ZNF385D: variants seen among roughly 807,000 people sequenced by gnomAD.
ZNF385D encodes the protein zinc finger protein 385D, also known as zinc finger protein 659.
A neutral mutation model predicts 35.8 loss-of-function variants in ZNF385D; 15 were observed. The observed-to-expected ratio is 0.42, with a 90% confidence interval of 0.28 to 0.64. The LOEUF is 0.64. ZNF385D is among the 30% of genes least tolerant of loss of function. ZNF385D has a pLI of 0.23. For missense variants in ZNF385D, 474 were observed against 494.6 expected (o/e 0.96, Z 0.39); for synonymous variants, 212 against 186.8 (o/e 1.13, Z -1.10).
At chr3:22,201,539 G>A (rs1440633897) in intron 2 of ZNF385D, among the ~76,000 whole-genome samples, 1 of 151,960 alleles carries the variant, frequency 6.6e-6, no homozygotes, top group Non-Finnish European at 1.5e-5. Flanking sequence ...AAAGAAAGAA[G>A]TTAGGTTTTC....
chr3:21,564,129 A>G (rs1432599695), intron 3 of ZNF385D, among the ~76,000 whole-genome samples: 1 of 152,194 alleles, frequency 6.6e-6, no homozygotes, highest in African/African-American at 2.4e-5. Flanking sequence ...TTAAGGACAT[A>G]GCGGTAATAT....
In ZNF385D at chr3:21,995,752, C is replaced by A. The variant is rs116649359; in HGVS notation, c.325+173065G>T. On this transcript the variant is annotated intron_variant, in intron 3 of 5. Transcript: ENST00000494108. ...AATGGTGCCCAAGAGGACCATTCTC[C>A]AGATTGCCAGAAGGCACATTCAGGG... 7.8e-3 allele frequency among the ~76,000 whole-genome samples: 1,188 copies of A among 152,024 alleles called. 18 individuals are homozygous for A. Among genetic ancestry groups the A allele is most frequent in the African/African-American group, 0.027 (1,138 of 41,458 alleles).
chr3:22,306,333 A>T (rs1374064862), intron 2 of ZNF385D, among the ~76,000 whole-genome samples: 1 of 149,956 alleles, frequency 6.7e-6, no homozygotes, highest in South Asian at 2.1e-4. Flanking sequence ...TCTTGTGGTT[A>T]AAAAAAGTCT....
At chr3:21,943,855 TACAA>T (rs1178613373) in intron 3 of ZNF385D, among the ~76,000 whole-genome samples, 1 of 152,116 alleles carries the variant, frequency 6.6e-6, no homozygotes, top group Non-Finnish European at 1.5e-5. Flanking sequence ...CATATGGAAA[TACAA>T]AGAAATCATT....
At chr3:21,693,334 G>A (rs1324838952) in intron 1 of ZNF385D, among the ~76,000 whole-genome samples, 2 of 152,190 alleles carry the variant, frequency 1.3e-5, no homozygotes, top group African/African-American at 2.4e-5. Context: ...GTGTTACTGA[G>A]CCTAGTTGCC....
chr3:21,881,612 T>C (rs1321291329), intron 3 of ZNF385D, among the ~76,000 whole-genome samples: 1 of 152,048 alleles, frequency 6.6e-6, no homozygotes, highest in Admixed American at 6.6e-5. Flanking sequence ...AGATGCATTC[T>C]GCAACCCATG....
chr3:21,675,553 C>T (rs1477489499), intron 1 of ZNF385D, among the ~76,000 whole-genome samples: 1 of 152,008 alleles, frequency 6.6e-6, no homozygotes, highest in East Asian at 1.9e-4. Flanking sequence ...CTTATATCTA[C>T]ATTTTGTTCA....
intron 3 of ZNF385D, among the ~76,000 whole-genome samples, chr3:21,806,103 G>T (rs2125695804): frequency 6.6e-6 from 1 of 152,034 alleles, no homozygotes; most frequent in African/African-American, 2.4e-5. Flanking sequence ...TATTTGTCTG[G>T]TACTCAAGTG....
At chr3:21,437,701 C>CAAAAAAAAA (rs751739275) in intron 4 of ZNF385D, among the ~76,000 whole-genome samples, 1,096 of 77,070 alleles carry the variant, frequency 0.014, 121 homozygotes, top group African/African-American at 0.046. Flanking sequence ...AATGCTTATA[C>CAAAAAAAAA]AAAAAAAAAA....
At chr3:21,912,649 A>G (rs527326816) in intron 3 of ZNF385D, among the ~76,000 whole-genome samples, 9 of 152,212 alleles carry the variant, frequency 5.9e-5, no homozygotes, top group African/African-American at 2.2e-4. Flanking sequence ...AGGGGATTGT[A>G]TATATCCAGT....
chr3:21,915,828 T>C (rs1305117507), intron 3 of ZNF385D, among the ~76,000 whole-genome samples: 2 of 152,222 alleles, frequency 1.3e-5, no homozygotes, highest in South Asian at 2.1e-4. Flanking sequence ...TGAGGGCTAG[T>C]TGGAAAATTT....
chr3:22,042,852 T>C (rs1698751534), intron 3 of ZNF385D, among the ~76,000 whole-genome samples: 1 of 152,178 alleles, frequency 6.6e-6, no homozygotes, highest in Non-Finnish European at 1.5e-5. Flanking sequence ...CTTTGGAAGA[T>C]CACAGACATA....
At chr3:21,888,100 AC>A (rs1165584375) in intron 3 of ZNF385D, among the ~76,000 whole-genome samples, 5 of 152,002 alleles carry the variant, frequency 3.3e-5, no homozygotes, top group African/African-American at 7.2e-5. Context: ...TTTGGAAAAA[AC>A]ATCTCATAAT....
At chr3:22,301,862 T>C (rs1702919433) in intron 2 of ZNF385D, among the ~76,000 whole-genome samples, 1 of 152,152 alleles carries the variant, frequency 6.6e-6, no homozygotes, top group South Asian at 2.1e-4. Flanking sequence ...GACAGTATCA[T>C]ACTGCATGTA....
intron 2 of ZNF385D, among the ~76,000 whole-genome samples, chr3:21,627,119 G>T (rs1039079122): frequency 6.6e-6 from 1 of 150,956 alleles, no homozygotes; most frequent in Non-Finnish European, 1.5e-5. Context: ...CTAAGATTAT[G>T]TCTTTTGGTG....
At chr3:21,441,774 C>T (rs913587732) in intron 4 of ZNF385D, 139 of 979,980 alleles carry the variant, frequency 1.4e-4, no homozygotes, top group African/African-American at 1.1e-3. Context: ...GAAAACGATT[C>T]GCTTTTCTTA....
intron 3 of ZNF385D, among the ~76,000 whole-genome samples, chr3:21,989,718 T>C (rs765318645): frequency 6.6e-6 from 1 of 152,116 alleles, no homozygotes; most frequent in Non-Finnish European, 1.5e-5. Flanking sequence ...GTCTTGTAAG[T>C]ATGTAATTAC....
intron 2 of ZNF385D, among the ~76,000 whole-genome samples, chr3:22,342,276 C>CAAAAAAAA (rs766689054): frequency 5.6e-5 from 3 of 53,514 alleles, no homozygotes; most frequent in Admixed American, 2.7e-4. Context: ...GACTCCGCCT[C>CAAAAAAAA]AAAAAAAAAA....
intron 3 of ZNF385D, among the ~76,000 whole-genome samples, chr3:22,131,528 T>G (rs1217269015): frequency 6.6e-6 from 1 of 151,924 alleles, no homozygotes; most frequent in Non-Finnish European, 1.5e-5. Flanking sequence ...AAATACCCAG[T>G]AGAGAATGAA....
Sources: allele counts gnomAD v4.1 joint callset (sites outside exome capture counted in the v4.1 genomes callset), GRCh38; gene constraint gnomAD v4.1.1; transcripts MANE v1.5; gene names NCBI Gene and HGNC (gene_info 2026-07-23, HGNC 2026-07-21).